PTPRD: variants seen among roughly 807,000 people sequenced by gnomAD.
PTPRD encodes protein tyrosine phosphatase receptor type D.
A neutral mutation model predicts 214.5 loss-of-function variants in PTPRD; 34 were observed. The observed-to-expected ratio is 0.16, with a 90% CI of 0.12 to 0.21. The LOEUF (loss-of-function observed/expected upper bound fraction) is 0.21. PTPRD is among the 10% of genes least tolerant of loss of function. The pLI is 1.00. For missense variants in PTPRD, 2,545 were observed against 2,398.7 expected (o/e 1.06, Z -1.27); for synonymous variants, 1,128 against 845.7 (o/e 1.33, Z -5.79).
At chr9:8,777,553 T>C (rs2154491707) in intron 11 of PTPRD, among the ~76,000 whole-genome samples, 1 of 152,306 alleles carries the variant, frequency 6.6e-6, no homozygotes, top group Non-Finnish European at 1.5e-5. Context: ...AGTGCATTTG[T>C]TTTTTAAGAT....
chr9:9,369,645 T>C (rs1229608861), intron 9 of PTPRD, among the ~76,000 whole-genome samples: 20 of 152,178 alleles, frequency 1.3e-4, no homozygotes, highest in Non-Finnish European at 4.4e-5. Context: ...TTGGCTTTTG[T>C]TGCCATTGCT....
At chr9:9,573,511 C>T (rs1284815010) in intron 8 of PTPRD, among the ~76,000 whole-genome samples, 1 of 150,894 alleles carries the variant, frequency 6.6e-6, no homozygotes, top group African/African-American at 2.4e-5. Flanking sequence ...AAGTAATTTT[C>T]TCTATGTATA....
chr9:9,926,094 T>C (rs1378284719), intron 5 of PTPRD, among the ~76,000 whole-genome samples: 1 of 152,198 alleles, frequency 6.6e-6, no homozygotes, highest in East Asian at 1.9e-4. Context: ...CCTCCTAAAG[T>C]GCTGGGATTA....
chr9:10,499,099 A>T (rs939945535), intron 2 of PTPRD, among the ~76,000 whole-genome samples: 2 of 151,990 alleles, frequency 1.3e-5, no homozygotes, highest in African/African-American at 4.8e-5. Flanking sequence ...GGGCAACTTT[A>T]TATCTCAGTT....
In PTPRD at chr9:9,148,173, T is replaced by C. The variant is rs149479793; in HGVS notation, c.-143+35131A>G. Among the ~76,000 whole-genome samples, 253 of 152,304 alleles carry C rather than the reference T, an allele frequency of 1.7e-3. 1 individual carries two copies. Among genetic ancestry groups the C allele is most frequent in the African/African-American group, 5.8e-3 (240 of 41,584 alleles). On this transcript the variant is annotated intron_variant, in intron 10 of 45. Coordinates refer to ENST00000381196, the MANE Select transcript of PTPRD (RefSeq NM_002839.4). ...CCTTTGTTTCCAGAGAGAAAGTTTT[T>C]GCTAGAGAAAAAAAAATTGCATGTT...
intron 32 of PTPRD, 71 bp from the exon 33 acceptor site, chr9:8,460,642 G>C (rs2096371617): frequency 6.8e-7 from 1 of 1,475,326 alleles, no homozygotes; most frequent in Non-Finnish European, 9.2e-7. Context: ...AACATTAGAA[G>C]AAGCAAAAAA....
rs2057424506 is a variant in PTPRD at position 9,364,913 on chromosome 9, T to C, written c.-203+32536A>G. ...TTTCAATAATCCAGGCAAAACCTAA[T>C]GGTGGCTTAGACTGGAGCAGCAGCA... On this transcript the variant is annotated intron_variant, in intron 9 of 45. Coordinates refer to ENST00000381196, the MANE Select transcript of PTPRD (RefSeq NM_002839.4). Among the ~76,000 whole-genome samples the C allele has an allele frequency of 2.6e-5, 4 of 151,406 alleles. No individual in the cohort carries two copies. In the South Asian group the frequency reaches 8.3e-4, roughly 31 times the overall value.
chr9:10,043,255 C>T (rs1198934512), intron 3 of PTPRD, among the ~76,000 whole-genome samples: 1 of 151,844 alleles, frequency 6.6e-6, no homozygotes, highest in African/African-American at 2.4e-5. Flanking sequence ...AAACTAGTAT[C>T]TTATTAGTTA....
At chr9:9,488,648 C>T (rs1414931070) in intron 8 of PTPRD, among the ~76,000 whole-genome samples, 1 of 152,154 alleles carries the variant, frequency 6.6e-6, no homozygotes, top group African/African-American at 2.4e-5. Flanking sequence ...GAATTTGTCT[C>T]CCCACTTAGG....
chr9:10,331,698 C>A (rs2096753660), intron 3 of PTPRD, among the ~76,000 whole-genome samples: 1 of 151,834 alleles, frequency 6.6e-6, no homozygotes, highest in East Asian at 2.0e-4. Context: ...AAAAAGACTC[C>A]CAACCTATTA....
chr9:9,263,933 A>G (rs1415965350), intron 9 of PTPRD, among the ~76,000 whole-genome samples: 1 of 151,626 alleles, frequency 6.6e-6, no homozygotes. Flanking sequence ...AAGAAAATAA[A>G]GAATAGTTTC....
rs534547829 is a variant in PTPRD at position 8,342,259 on chromosome 9, A to G, written c.4662-281T>C. 2.0e-5 allele frequency among the ~76,000 whole-genome samples: 3 copies of G among 152,218 alleles called. No individual in the cohort carries two copies. The East Asian group carries it at 5.8e-4, about 30-fold the overall frequency. On this transcript the variant is annotated intron_variant, in intron 39 of 45. Transcript: ENST00000381196. ...TTCCTTGATCATGCAATACAAAGTG[A>G]ACATTATTTCGAAAACTTTTGAAGT...
chr9:8,914,211 T>C (rs1035884127), intron 11 of PTPRD, among the ~76,000 whole-genome samples: 1 of 152,134 alleles, frequency 6.6e-6, no homozygotes, highest in Non-Finnish European at 1.5e-5. Flanking sequence ...GTAATAATGA[T>C]TAACAATTAC....
intron 7 of PTPRD, among the ~76,000 whole-genome samples, chr9:9,650,497 C>A (rs887393071): frequency 4.6e-5 from 7 of 152,088 alleles, no homozygotes; most frequent in African/African-American, 1.7e-4. Flanking sequence ...CAATGTTCAA[C>A]AAGGATAATG....
chr9:10,428,484 T>C (rs1203969325), intron 2 of PTPRD, among the ~76,000 whole-genome samples: 1 of 152,106 alleles, frequency 6.6e-6, no homozygotes, highest in Admixed American at 6.6e-5. Flanking sequence ...TTTTTACCTT[T>C]TTGTCTCAAT....
intron 7 of PTPRD, among the ~76,000 whole-genome samples, chr9:9,644,530 T>C (rs1272058203): frequency 6.6e-6 from 1 of 152,138 alleles, no homozygotes; most frequent in East Asian, 1.9e-4. Context: ...GCAATGAAAA[T>C]AACAAATACA....
At chr9:8,920,859 G>A (rs1325755788) in intron 11 of PTPRD, among the ~76,000 whole-genome samples, 1 of 152,024 alleles carries the variant, frequency 6.6e-6, no homozygotes, top group Non-Finnish European at 1.5e-5. Flanking sequence ...TGTTGCCCAG[G>A]CTGCAGTGCA....
At chr9:8,599,016 T>A (rs893636587) in intron 14 of PTPRD, among the ~76,000 whole-genome samples, 6 of 152,120 alleles carry the variant, frequency 3.9e-5, no homozygotes, top group Admixed American at 2.6e-4. Context: ...CTCCCATAAT[T>A]ATAACGTGTC....
intron 3 of PTPRD, among the ~76,000 whole-genome samples, chr9:10,197,684 T>A (rs142017082): frequency 3.4e-4 from 52 of 152,192 alleles, no homozygotes; most frequent in African/African-American, 1.2e-3. Flanking sequence ...TAGGTAGTGT[T>A]AGAAGCTTCA....
Sources: gnomAD v4.1 joint callset for allele counts (sites outside exome capture counted in the v4.1 genomes callset) on GRCh38, gnomAD v4.1.1 for gene constraint, MANE v1.5 for transcripts, NCBI Gene and HGNC (gene_info 2026-07-23, HGNC 2026-07-21) for gene names.